The following PACRG variants were observed in gnomAD, a reference collection of about 807,000 sequenced individuals.
The protein encoded by PACRG is parkin coregulated.
PACRG carries 29 observed loss-of-function variants against 29.7 expected under a neutral mutation model. The observed-to-expected ratio is 0.98, with a 90% confidence interval of 0.73 to 1.33. The LOEUF (loss-of-function observed/expected upper bound fraction) is 1.33, where lower values mean the gene tolerates loss of function less well. Among genes scored for constraint, PACRG ranks in the 40% most tolerant of loss-of-function variants. The pLI, the probability that PACRG is intolerant of heterozygous loss-of-function variation, is 0.00. For missense variants in PACRG, 279 were observed against 316.2 expected, an observed-to-expected ratio of 0.88 and a Z score of 0.89; for synonymous variants, 116 against 118.7, an observed-to-expected ratio of 0.98 and a Z score of 0.15.
intron 2 of PACRG, among the ~76,000 whole-genome samples, chr6:162,881,307 T>A (rs1003244699): frequency 1.3e-5 from 2 of 152,182 alleles, no homozygotes; most frequent in Non-Finnish European, 2.9e-5. Flanking sequence ...CCTTTGGGGC[T>A]GTAAATGAGG....
chr6:163,282,595 C>T (rs1304184720), intron 4 of PACRG, among the ~76,000 whole-genome samples: 1 of 151,708 alleles, frequency 6.6e-6, no homozygotes, highest in Non-Finnish European at 1.5e-5. Flanking sequence ...GCCTGTAATC[C>T]CACCTACTTG....
At chr6:162,985,064 A>G (rs894329322) in intron 2 of PACRG, among the ~76,000 whole-genome samples, 4 of 152,042 alleles carry the variant, frequency 2.6e-5, no homozygotes, top group African/African-American at 9.7e-5. Context: ...ATGGTCATTT[A>G]AAAACTGTCA....
chr6:163,109,325 T>C (rs751860096), intron 4 of PACRG, among the ~76,000 whole-genome samples: 14 of 152,234 alleles, frequency 9.2e-5, no homozygotes, highest in Non-Finnish European at 2.1e-4. Flanking sequence ...GCCCCTACTA[T>C]GCTGTAACAG....
chr6:163,079,596 T>A (rs1201806270), intron 3 of PACRG, among the ~76,000 whole-genome samples: 1 of 152,200 alleles, frequency 6.6e-6, no homozygotes, highest in Non-Finnish European at 1.5e-5. Flanking sequence ...GAGCTCACTC[T>A]GACTCCTGGT....
At chr6:162,956,418 A>T (rs1800039682) in intron 2 of PACRG, among the ~76,000 whole-genome samples, 1 of 152,202 alleles carries the variant, frequency 6.6e-6, no homozygotes. Flanking sequence ...TTACCTGGAT[A>T]TTAATAAATG....
intron 4 of PACRG, among the ~76,000 whole-genome samples, chr6:163,207,453 C>T (rs1053918858): frequency 6.6e-6 from 1 of 152,176 alleles, no homozygotes; most frequent in Non-Finnish European, 1.5e-5. Context: ...ATACTGAAAT[C>T]GATTTTTATT....
chr6:163,123,195 G>A (rs962649229), intron 4 of PACRG, among the ~76,000 whole-genome samples: 1 of 152,232 alleles, frequency 6.6e-6, no homozygotes. Context: ...TTGACCAGGT[G>A]TGTCATTCAC....
intron 4 of PACRG, among the ~76,000 whole-genome samples, chr6:163,106,062 C>T (rs753581223): frequency 2.0e-5 from 3 of 152,106 alleles, no homozygotes; most frequent in Non-Finnish European, 4.4e-5. Context: ...AAGCTGTTTT[C>T]ATGAATCATC....
chr6:163,095,016 T>A (rs1341943636), intron 4 of PACRG, among the ~76,000 whole-genome samples: 2 of 152,104 alleles, frequency 1.3e-5, no homozygotes, highest in Non-Finnish European at 2.9e-5. Flanking sequence ...TCTTTGAGGA[T>A]GGGGAGGGAG....
At chr6:163,132,768 A>T (rs1816789071) in intron 4 of PACRG, among the ~76,000 whole-genome samples, 1 of 152,232 alleles carries the variant, frequency 6.6e-6, no homozygotes, top group Non-Finnish European at 1.5e-5. Context: ...ATTCTTACTT[A>T]TATTTAATAG....
intron 2 of PACRG, among the ~76,000 whole-genome samples, chr6:162,834,762 G>A (rs1789077704): frequency 1.3e-5 from 2 of 151,786 alleles, no homozygotes; most frequent in Admixed American, 6.6e-5. Context: ...AATATCATTT[G>A]TATGTTACTT....
intron 4 of PACRG, among the ~76,000 whole-genome samples, chr6:163,305,284 C>T (rs1463303933): frequency 6.6e-6 from 1 of 152,224 alleles, no homozygotes; most frequent in Admixed American, 6.5e-5. Flanking sequence ...TAAACTTTCC[C>T]AACATAAGTG....
rs1168043908 is a variant in PACRG, at chr6:163,055,432, A to G, written c.292-6718A>G. On this transcript the variant is annotated intron_variant, in intron 2 of 4. Coordinates refer to ENST00000366888, the MANE Select transcript of PACRG (RefSeq NM_001080379.2). This position sits in a 1 kb window ranked among gnomAD's most constrained non-coding sequence, Gnocchi z 4.0. ...CACACACGCAAACAAGCGCCTGAGG[A>G]TAAACGTAATATAAGAGGGATTACC... Among the ~76,000 whole-genome samples, 1 of 152,140 alleles carries G rather than the reference A, an allele frequency of 6.6e-6. No homozygotes were observed. Among genetic ancestry groups the G allele is most frequent in the African/African-American group, 2.4e-5 (1 of 41,430 alleles).
At chr6:163,304,174 G>A (rs1352715814) in intron 4 of PACRG, among the ~76,000 whole-genome samples, 1 of 152,170 alleles carries the variant, frequency 6.6e-6, no homozygotes, top group African/African-American at 2.4e-5. Context: ...CTACCTAGCT[G>A]TAGAGACCCT....
chr6:162,727,426 A>C (rs962989000), upstream of PACRG: 8 of 505,564 alleles, frequency 1.6e-5, no homozygotes, highest in Admixed American at 3.2e-4. Context: ...GGCGGTCTTC[A>C]TGAGAACGCT....
chr6:162,994,038 ATTCTT>A (rs1268147573), intron 2 of PACRG, among the ~76,000 whole-genome samples: 5 of 127,070 alleles, frequency 3.9e-5, no homozygotes, highest in African/African-American at 1.9e-4. Context: ...TGGGTTGAAA[ATTCTT>A]TTCTTTAAGA....
rs1554271427 is a variant in PACRG at position 162,747,365 on chromosome 6, C to CACAT, written c.156+18980_156+18983dup. Reference sequence around the variant, plus strand: ...ATATATATATATATATATATATATACACATACATATATATGTATATATATG... The same window carrying CACAT: ...ATATATATATATATATATATATATACACATACATACATATATATGTATATATATG... On this transcript the variant is annotated intron_variant, in intron 1 of 4. Transcript: ENST00000366888. Among the ~76,000 whole-genome samples, 9 of 44,654 alleles carry CACAT rather than the reference C, an allele frequency of 2.0e-4. No homozygotes were observed. In the South Asian group the frequency reaches 4.9e-3, roughly 24 times the overall value. The allele number at this position is 44,654 out of a possible 152,430, so 29.3% of individuals were successfully genotyped here.
chr6:162,989,212 C>G (rs372383895), intron 2 of PACRG, among the ~76,000 whole-genome samples: 99 of 152,246 alleles, frequency 6.5e-4, no homozygotes, highest in African/African-American at 2.2e-3. Context: ...ACTTCTACAG[C>G]TGGTTAGATA....
intron 4 of PACRG, among the ~76,000 whole-genome samples, chr6:163,307,331 G>A (rs73784591): frequency 1.3e-5 from 2 of 152,290 alleles, no homozygotes; most frequent in African/African-American, 2.4e-5. Context: ...GAAAGAGAAC[G>A]AGACATCCAG....
Sources: gnomAD v4.1 joint callset for allele counts (sites outside exome capture counted in the v4.1 genomes callset) on GRCh38, gnomAD v4.1.1 for gene constraint, Gnocchi (gnomAD v3.1) non-coding constraint, MANE v1.5 for transcripts, NCBI Gene and HGNC (gene_info 2026-07-23, HGNC 2026-07-21) for gene names.